Variants in HAUS7 observed in about 807,000 individuals in gnomAD.
HAUS7 encodes the protein HAUS augmin-like complex subunit 7.
Under a neutral mutation model 28.4 loss-of-function variants are expected in HAUS7, and 3 were observed. The observed-to-expected ratio is 0.11, with a 90% CI of 0.05 to 0.27. The LOEUF (loss-of-function observed/expected upper bound fraction) is 0.27. HAUS7 is among the 10% of genes least tolerant of loss of function. The pLI is 1.00. For missense variants in HAUS7, 284 were observed against 297.3 expected, an observed-to-expected ratio of 0.96 and a Z score of 0.33; for synonymous variants, 165 against 132.1, an observed-to-expected ratio of 1.25 and a Z score of -1.71.
At chrX:153,472,442 A>ACCACCCACCACCCACCACCCACCACCCG (rs1321097203), upstream of HAUS7, among the ~76,000 whole-genome samples, 1 of 11,768 alleles carries the variant, frequency 8.5e-5, no homozygotes, top group Non-Finnish European at 1.8e-4. Flanking sequence ...CCCACCACCC[A>ACCACCCACCACCCACCACCCACCACCCG]CCACCTGCCA....
At chrX:153,457,948 C>T (rs568383997) in intron 4 of HAUS7, among the ~76,000 whole-genome samples, 1 of 113,410 alleles carries the variant, frequency 8.8e-6, no homozygotes, top group African/African-American at 3.2e-5. Context: ...ATCCTAACCA[C>T]GTCAAAAGGG....
At chrX:153,485,975 C>G (rs1345726761) in intron 1 of HAUS7, 1 of 978,791 alleles carries the variant, frequency 1.0e-6, no homozygotes, top group Admixed American at 3.0e-5. Flanking sequence ...CGTGTCCTTC[C>G]TGGGCCTGCG....
At chrX:153,466,191 G>A (rs782021297) in intron 2 of HAUS7, among the ~76,000 whole-genome samples, 1 of 112,887 alleles carries the variant, frequency 8.9e-6, no homozygotes, top group South Asian at 3.6e-4. Context: ...GGAAGGGGGA[G>A]GCCAGCAGGC....
chrX:153,463,616 G>T (rs1179460527), intron 3 of HAUS7, among the ~76,000 whole-genome samples: 1 of 112,335 alleles, frequency 8.9e-6, no homozygotes, highest in Non-Finnish European at 1.9e-5. Context: ...GGCCTTCCTC[G>T]GAGTCAAAGC....
intron 4 of HAUS7, among the ~76,000 whole-genome samples, chrX:153,460,385 C>T (rs1465592580): frequency 4.5e-5 from 5 of 111,456 alleles, no homozygotes; most frequent in African/African-American, 9.8e-5. Context: ...CGCTTTAACG[C>T]GGCTTAAAAA....
At chrX:153,476,361 G>C (rs1182391210) in intron 1 of HAUS7, among the ~76,000 whole-genome samples, 7 of 112,208 alleles carry the variant, frequency 6.2e-5, no homozygotes, top group African/African-American at 2.3e-4. Context: ...AGAATCCACT[G>C]TCCAGTCCTC....
intron 9 of HAUS7, among the ~76,000 whole-genome samples, chrX:153,452,665 C>T (rs782751876): frequency 3.3e-4 from 37 of 111,990 alleles, no homozygotes; most frequent in African/African-American, 1.1e-3. Flanking sequence ...TAAAGCCAAC[C>T]ACTTAAAAAA....
At chrX:153,471,435 C>G (rs1396007912), upstream of HAUS7, among the ~76,000 whole-genome samples, 1 of 112,627 alleles carries the variant, frequency 8.9e-6, no homozygotes, top group Non-Finnish European at 1.9e-5. Flanking sequence ...GTCTACTTAA[C>G]AAATTTTTCT....
Position 153,455,512 on chromosome X carries a change from G to A in HAUS7, c.930+30C>T, listed in dbSNP as rs373704500. 3.2e-5 allele frequency: 30 copies of A among 940,878 alleles called. No homozygotes were observed. The African/African-American group carries it at 3.6e-4, about 11-fold the overall frequency. 77.5% of individuals were successfully genotyped at this position (940,878 alleles called of 1,213,427 possible). ...AGTCTGAGTGAACAGGGGAGGGGGC[G>A]GTTAGAGGGGAGGGGAAGGGCACCC... is the stretch of plus-strand genomic sequence containing the variant. On this transcript the variant is annotated intron_variant, in intron 8 of 9. Transcript: ENST00000370211.
At chrX:153,458,608 C>G (rs1176467494) in intron 4 of HAUS7, among the ~76,000 whole-genome samples, 3 of 112,190 alleles carry the variant, frequency 2.7e-5, no homozygotes, top group Middle Eastern at 4.2e-3. Context: ...CCTGGGTGGA[C>G]AGCTGGGAGT....
At chrX:153,469,941 G>A (rs2089500158) in intron 1 of HAUS7, among the ~76,000 whole-genome samples, 1 of 111,105 alleles carries the variant, frequency 9.0e-6, no homozygotes, top group Admixed American at 9.4e-5. Flanking sequence ...GAGGGGACCT[G>A]GGACAGCTCC....
intron 1 of HAUS7, among the ~76,000 whole-genome samples, chrX:153,480,334 C>A (rs1213547907): frequency 1.8e-5 from 2 of 109,876 alleles, no homozygotes; most frequent in Non-Finnish European, 3.8e-5. Flanking sequence ...CCACCCACCC[C>A]CCTCCCCAGC....
At chrX:153,449,778 C>T (rs2089214962) in intron 9 of HAUS7, among the ~76,000 whole-genome samples, 1 of 112,364 alleles carries the variant, frequency 8.9e-6, no homozygotes, top group African/African-American at 3.2e-5. Flanking sequence ...GGAGCCCTGC[C>T]CTTCATCTCC....
intron 5 of HAUS7, 163 bp downstream of exon 5, chrX:153,456,974 C>G: frequency 6.5e-6 from 3 of 462,156 alleles, no homozygotes; most frequent in Non-Finnish European, 1.1e-5. Context: ...TGCCCCTTGC[C>G]CGTATGCTGC....
chrX:153,479,930 A>G (rs1448773479), intron 1 of HAUS7, among the ~76,000 whole-genome samples: 2 of 111,624 alleles, frequency 1.8e-5, no homozygotes, highest in African/African-American at 3.3e-5. Context: ...GGTTATCAAC[A>G]TTCCTCCAAA....
intron 3 of HAUS7, among the ~76,000 whole-genome samples, chrX:153,464,060 A>G (rs1487379242): frequency 1.2e-4 from 13 of 112,566 alleles, no homozygotes; most frequent in Non-Finnish European, 2.1e-4. Context: ...CGTCGGATGA[A>G]TTCCTGAACT....
At chrX:153,448,313 A>G (rs1191304859) in intron 9 of HAUS7, among the ~76,000 whole-genome samples, 1 of 101,381 alleles carries the variant, frequency 9.9e-6, no homozygotes, top group Non-Finnish European at 2.0e-5. Context: ...CAAACACCGC[A>G]TGTTCTCACT....
At chrX:153,486,877 G>A (rs2089642579) in intron 1 of HAUS7, 1 of 901,241 alleles carries the variant, frequency 1.1e-6, no homozygotes, top group Non-Finnish European at 1.4e-6. Flanking sequence ...AGGCTGAGGT[G>A]TGCTTGGCCT....
At chrX:153,491,309 A>C (rs2089669697) in intron 1 of HAUS7, among the ~76,000 whole-genome samples, 1 of 112,535 alleles carries the variant, frequency 8.9e-6, no homozygotes. Flanking sequence ...GAGAGCTCAC[A>C]GCCTGCCCTC....
Sources: allele counts gnomAD v4.1 joint callset (sites outside exome capture counted in the v4.1 genomes callset), GRCh38; gene constraint gnomAD v4.1.1; transcripts MANE v1.5; gene names NCBI Gene and HGNC (gene_info 2026-07-23, HGNC 2026-07-21).